The following ADCY8 variants were observed in gnomAD, a reference collection of about 807,000 sequenced individuals.
ADCY8 encodes adenylate cyclase 8, also known as adenylate cyclase type 8.
Under a neutral mutation model 119.7 loss-of-function variants are expected in ADCY8, and 51 were observed. The observed-to-expected ratio is 0.43, with a 90% CI of 0.34 to 0.54. The LOEUF (loss-of-function observed/expected upper bound fraction) is 0.54. Among genes scored for constraint, ADCY8 ranks in the 20% least tolerant of loss-of-function variants. The pLI, the probability that ADCY8 is intolerant of heterozygous loss-of-function variation, is 0.03. For missense variants in ADCY8, 1,383 were observed against 1,598.8 expected (o/e 0.87, Z 2.30); for synonymous variants, 665 against 651.0 (o/e 1.02, Z -0.33).
At chr8:130,957,496 A>C (rs1357921963) in intron 2 of ADCY8, among the ~76,000 whole-genome samples, 1 of 152,224 alleles carries the variant, frequency 6.6e-6, no homozygotes, top group African/African-American at 2.4e-5. Flanking sequence ...AAGAAAAAAC[A>C]ATTTTCTGAG....
chr8:131,021,402 TG>T (rs1314242439), intron 1 of ADCY8, among the ~76,000 whole-genome samples: 1 of 151,900 alleles, frequency 6.6e-6, no homozygotes, highest in Non-Finnish European at 1.5e-5. Context: ...GTAGGGTGGG[TG>T]AAAAAAATGT....
intron 1 of ADCY8, among the ~76,000 whole-genome samples, chr8:130,998,746 G>C (rs2130757917): frequency 6.6e-6 from 1 of 152,260 alleles, no homozygotes; most frequent in African/African-American, 2.4e-5. Flanking sequence ...CAGGTGATGA[G>C]ATAGGGCCAC....
At chr8:130,831,473 G>A (rs916920461) in intron 12 of ADCY8, among the ~76,000 whole-genome samples, 3 of 152,220 alleles carry the variant, frequency 2.0e-5, no homozygotes, top group African/African-American at 7.2e-5. Context: ...TTTTGCCAAG[G>A]AGAGTGTCCT....
intron 1 of ADCY8, among the ~76,000 whole-genome samples, chr8:130,999,904 T>C (rs536605066): frequency 6.6e-6 from 1 of 152,338 alleles, no homozygotes; most frequent in East Asian, 1.9e-4. Context: ...AATACTTTCT[T>C]TTGTGGATCT....
At chr8:130,943,742 T>C (rs551762437) in intron 3 of ADCY8, among the ~76,000 whole-genome samples, 1 of 152,170 alleles carries the variant, frequency 6.6e-6, no homozygotes, top group African/African-American at 2.4e-5. Flanking sequence ...TCCAAAAGAA[T>C]TTGTCACCAT....
chr8:130,929,407 A>G (rs982442851), intron 5 of ADCY8, among the ~76,000 whole-genome samples: 2 of 152,140 alleles, frequency 1.3e-5, no homozygotes, highest in Admixed American at 1.3e-4. Context: ...GTTGTCCAGG[A>G]GCATGTTGTT....
chr8:130,886,797 C>G (rs562878679), intron 7 of ADCY8, among the ~76,000 whole-genome samples: 1 of 152,204 alleles, frequency 6.6e-6, no homozygotes, highest in Admixed American at 6.5e-5. Flanking sequence ...CTTCTATTAA[C>G]TAAATTGAGC....
At chr8:130,807,583 G>A (rs563278634) in intron 14 of ADCY8, among the ~76,000 whole-genome samples, 3 of 152,310 alleles carry the variant, frequency 2.0e-5, no homozygotes, top group Admixed American at 6.5e-5. Flanking sequence ...AAGTGCCATC[G>A]TGGAAGCAGA....
chr8:130,802,576 T>A (rs1586427968), intron 14 of ADCY8, among the ~76,000 whole-genome samples: 1 of 152,206 alleles, frequency 6.6e-6, no homozygotes, highest in Non-Finnish European at 1.5e-5. Flanking sequence ...ATGACATATA[T>A]GCATGCCCCT....
intron 5 of ADCY8, among the ~76,000 whole-genome samples, chr8:130,930,383 C>T (rs1451139499): frequency 1.3e-5 from 2 of 152,002 alleles, no homozygotes; most frequent in Middle Eastern, 3.2e-3. Context: ...TCTCAAGTAG[C>T]TGGGACTACA....
At chr8:130,869,428 T>C (rs1484752378) in intron 8 of ADCY8, among the ~76,000 whole-genome samples, 1 of 151,910 alleles carries the variant, frequency 6.6e-6, no homozygotes, top group Non-Finnish European at 1.5e-5. Context: ...GAAAGATAAA[T>C]GTTTGAATTC....
At chr8:130,901,020 T>C (rs1226660828) in intron 7 of ADCY8, among the ~76,000 whole-genome samples, 3 of 152,134 alleles carry the variant, frequency 2.0e-5, no homozygotes, top group Non-Finnish European at 4.4e-5. Context: ...AAGCAAAAAA[T>C]CTAGAATTCA....
intron 5 of ADCY8, among the ~76,000 whole-genome samples, chr8:130,935,748 CTCATGGTAGCT>C (rs546890111): frequency 6.6e-6 from 1 of 152,306 alleles, no homozygotes; most frequent in Admixed American, 6.5e-5. Context: ...GTGGTTTTTC[CTCATGGTAGCT>C]TCTGGGAGAA....
chr8:130,943,522 C>T (rs1821023830), intron 3 of ADCY8, 60 bp from the exon 4 acceptor site: 3 of 1,043,132 alleles, frequency 2.9e-6, no homozygotes, highest in African/African-American at 1.6e-5. Context: ...TTTAGTCCAT[C>T]TTGGGATACA....
At chr8:130,932,647 T>A (rs1298386378) in intron 5 of ADCY8, among the ~76,000 whole-genome samples, 2 of 152,202 alleles carry the variant, frequency 1.3e-5, no homozygotes, top group African/African-American at 4.8e-5. Flanking sequence ...CTCACCTGAT[T>A]TCCTTAGCTC....
In ADCY8 at chr8:131,005,272, T is replaced by C. The variant is rs114035647; in HGVS notation, c.961-14730A>G. ...GCCATTGGAAGCGCTGTCTACAAAA[T>C]ACTTAGTATTTGCCTGATACACAGT... is the stretch of plus-strand genomic sequence containing the variant. On this transcript the variant is annotated intron_variant, in intron 1 of 17. Transcript: ENST00000286355. 4.3e-3 allele frequency among the ~76,000 whole-genome samples: 659 copies of C among 152,288 alleles called. 3 individuals are homozygous for C. Among genetic ancestry groups the C allele is most frequent in the African/African-American group, 0.015 (635 of 41,558 alleles).
chr8:130,863,889 C>T (rs1220955421), intron 9 of ADCY8, among the ~76,000 whole-genome samples: 1 of 152,018 alleles, frequency 6.6e-6, no homozygotes, highest in African/African-American at 2.4e-5. Context: ...AAGATAAAAA[C>T]ATTTTACTTA....
chr8:130,876,025 T>C (rs1469062470), intron 8 of ADCY8, among the ~76,000 whole-genome samples: 1 of 152,194 alleles, frequency 6.6e-6, no homozygotes, highest in Non-Finnish European at 1.5e-5. Flanking sequence ...CGAAGCTCAT[T>C]CAACTTCAGT....
intron 2 of ADCY8, among the ~76,000 whole-genome samples, chr8:130,978,522 C>T (rs1045639948): frequency 9.2e-5 from 14 of 152,196 alleles, no homozygotes; most frequent in Non-Finnish European, 1.3e-4. Flanking sequence ...TTAATTATTA[C>T]TTTACTCATT....
Sources: gnomAD v4.1 joint callset for allele counts (sites outside exome capture counted in the v4.1 genomes callset) on GRCh38, gnomAD v4.1.1 for gene constraint, MANE v1.5 for transcripts, NCBI Gene and HGNC (gene_info 2026-07-23, HGNC 2026-07-21) for gene names.